Variants in SH3BGRL observed in about 807,000 individuals in gnomAD.
The protein encoded by SH3BGRL is adapter SH3BGRL.
A neutral mutation model predicts 9.8 loss-of-function variants in SH3BGRL; 7 were observed. The ratio of observed to expected loss-of-function variants is 0.72; its 90% CI spans 0.41 to 1.35. The LOEUF (loss-of-function observed/expected upper bound fraction) is 1.35. SH3BGRL is among the 40% of genes most tolerant of loss of function. The pLI is 0.01. For missense variants in SH3BGRL, 73 were observed against 84.4 expected (o/e 0.86, Z 0.53); for synonymous variants, 36 against 29.1 (o/e 1.24, Z -0.76).
chrX:81,249,084 G>T (rs1006006837), intron 1 of SH3BGRL, among the ~76,000 whole-genome samples: 2 of 111,158 alleles, frequency 1.8e-5, no homozygotes, highest in Non-Finnish European at 3.8e-5. Context: ...AGTGCCTGAG[G>T]CATGCTCAAA....
In SH3BGRL at chrX:81,277,156, G is replaced by A; in HGVS notation, c.218G>A (p.Ser73Asn). The A allele has an allele frequency of 8.3e-7, 1 of 1,206,604 alleles. No individual in the cohort carries two copies. The change falls in exon 2 of 4, where the codon AGC (serine) becomes AAC (asparagine). Residue 73 changes from serine to asparagine, a missense_variant. By Grantham distance (46) the Ser-to-Asn change is conservative. Coordinates refer to ENST00000373212, the MANE Select transcript of SH3BGRL (RefSeq NM_003022.3). ...CTGCCACCTCAGATTTTCAATGAAA[G>A]CCAGTATCGCGGGGTAAGAAAACAA... ...YPLPPQIFNE[S>N]QYRGDYDAFF...
chrX:81,295,144 C>T (rs2075870299), intron 3 of SH3BGRL, among the ~76,000 whole-genome samples: 1 of 111,735 alleles, frequency 8.9e-6, no homozygotes, highest in African/African-American at 3.3e-5. Context: ...TGAGTTAAGA[C>T]TTTGTGGGAC....
chrX:81,285,209 A>G (rs769198630), intron 3 of SH3BGRL, among the ~76,000 whole-genome samples: 146 of 111,926 alleles, frequency 1.3e-3, no homozygotes, highest in Non-Finnish European at 2.5e-3. Flanking sequence ...AACAGAAAGT[A>G]TACTAAATAA....
At chrX:81,240,054 A>G (rs1171164901) in intron 1 of SH3BGRL, among the ~76,000 whole-genome samples, 2 of 112,522 alleles carry the variant, frequency 1.8e-5, no homozygotes, top group South Asian at 3.6e-4. Context: ...AATGATAATG[A>G]GCAAAAAGTA....
At chrX:81,249,080 T>C (rs761860437) in intron 1 of SH3BGRL, among the ~76,000 whole-genome samples, 1 of 111,676 alleles carries the variant, frequency 9.0e-6, no homozygotes, top group South Asian at 3.7e-4. Flanking sequence ...TCCAAGTGCC[T>C]GAGGCATGCT....
At chrX:81,215,638 T>A (rs977248491) in intron 1 of SH3BGRL, among the ~76,000 whole-genome samples, 3 of 111,278 alleles carry the variant, frequency 2.7e-5, no homozygotes, top group Non-Finnish European at 3.8e-5. Context: ...GTTGATAAGC[T>A]GCCTCATAGA....
At chrX:81,283,315 C>G (rs2075823982) in intron 3 of SH3BGRL, among the ~76,000 whole-genome samples, 3 of 111,558 alleles carry the variant, frequency 2.7e-5, no homozygotes, top group African/African-American at 9.8e-5. Context: ...CTAACTCATT[C>G]TATGAAGCCA....
chrX:81,271,135 C>T (rs748687877), intron 1 of SH3BGRL, among the ~76,000 whole-genome samples: 197 of 111,771 alleles, frequency 1.8e-3, no homozygotes, highest in African/African-American at 6.2e-3. Context: ...GTGTACTTCT[C>T]CTCCAGGTAC....
intron 1 of SH3BGRL, among the ~76,000 whole-genome samples, chrX:81,245,111 T>A (rs1173348432): frequency 8.9e-6 from 1 of 111,974 alleles, no homozygotes; most frequent in Non-Finnish European, 1.9e-5. Flanking sequence ...AGTAACTGAT[T>A]TTACAGTGAT....
chrX:81,280,184 G>C (rs1026101750), intron 3 of SH3BGRL, among the ~76,000 whole-genome samples: 6 of 110,099 alleles, frequency 5.4e-5, no homozygotes, highest in Admixed American at 3.9e-4. Flanking sequence ...CCCACCCGAG[G>C]AGAGTCTGAG....
chrX:81,275,208 C>A (rs1309192278), intron 1 of SH3BGRL, among the ~76,000 whole-genome samples: 5 of 110,641 alleles, frequency 4.5e-5, no homozygotes, highest in African/African-American at 1.6e-4. Context: ...CTGCCAGGGT[C>A]ATGTATGTAA....
chrX:81,220,752 T>C (rs995063946), intron 1 of SH3BGRL, among the ~76,000 whole-genome samples: 4 of 110,951 alleles, frequency 3.6e-5, no homozygotes, highest in African/African-American at 1.3e-4. Context: ...GTCACCCTTA[T>C]AGCTATAAAC....
chrX:81,251,441 A>G (rs1236755374), intron 1 of SH3BGRL, among the ~76,000 whole-genome samples: 2 of 109,014 alleles, frequency 1.8e-5, no homozygotes, highest in African/African-American at 6.7e-5. Context: ...TTTATGACTT[A>G]ATTCTTTAAT....
intron 1 of SH3BGRL, among the ~76,000 whole-genome samples, chrX:81,205,657 A>C (rs1332378178): frequency 9.1e-6 from 1 of 109,313 alleles, no homozygotes; most frequent in Non-Finnish European, 1.9e-5. Context: ...TTTCTTTTGG[A>C]TATATACCCA....
chrX:81,252,311 C>T (rs1026522261), intron 1 of SH3BGRL, among the ~76,000 whole-genome samples: 1 of 111,603 alleles, frequency 9.0e-6, no homozygotes, highest in Non-Finnish European at 1.9e-5. Flanking sequence ...TACCTGTTTG[C>T]CAGTTAGTCA....
chrX:81,258,264 C>G (rs2075731491), intron 1 of SH3BGRL, among the ~76,000 whole-genome samples: 1 of 111,665 alleles, frequency 9.0e-6, no homozygotes, highest in Non-Finnish European at 1.9e-5. Context: ...TTTATCAGAT[C>G]CAAATGATTG....
intron 1 of SH3BGRL, among the ~76,000 whole-genome samples, chrX:81,270,416 T>C (rs1010550391): frequency 4.5e-5 from 5 of 111,915 alleles, no homozygotes; most frequent in Non-Finnish European, 5.6e-5. Context: ...TGGATGTCCT[T>C]TTTGTTGATG....
At chrX:81,289,081 T>C (rs1451253637) in intron 3 of SH3BGRL, among the ~76,000 whole-genome samples, 1 of 111,600 alleles carries the variant, frequency 9.0e-6, no homozygotes, top group Non-Finnish European at 1.9e-5. Flanking sequence ...AACAAACACA[T>C]ACACCAAGGT....
At chrX:81,267,340 G>T (rs2075760816) in intron 1 of SH3BGRL, among the ~76,000 whole-genome samples, 1 of 111,692 alleles carries the variant, frequency 9.0e-6, no homozygotes, top group Non-Finnish European at 1.9e-5. Flanking sequence ...ATCGGCTGTG[G>T]GTTTGTCCTA....
Sources: gnomAD v4.1 joint callset for allele counts (sites outside exome capture counted in the v4.1 genomes callset) on GRCh38, gnomAD v4.1.1 for gene constraint, MANE v1.5 for transcripts, NCBI Gene and HGNC (gene_info 2026-07-23, HGNC 2026-07-21) for gene names.